Variants in ADGRB3 observed in about 807,000 individuals in gnomAD.
ADGRB3 encodes adhesion G protein-coupled receptor B3, also known as brain-specific angiogenesis inhibitor 3.
A neutral mutation model predicts 193.4 loss-of-function variants in ADGRB3; 37 were observed. That is an observed-to-expected ratio of 0.19 (90% CI 0.15 to 0.25). The LOEUF (loss-of-function observed/expected upper bound fraction) is 0.25. Among genes scored for constraint, ADGRB3 ranks in the 10% least tolerant of loss-of-function variants. ADGRB3 has a pLI of 1.00. For missense variants in ADGRB3, 1,637 were observed against 1,852.9 expected, an observed-to-expected ratio of 0.88 and a Z score of 2.14; for synonymous variants, 690 against 644.2, an observed-to-expected ratio of 1.07 and a Z score of -1.08.
At chr6:68,842,651 C>T (rs79435989) in intron 3 of ADGRB3, among the ~76,000 whole-genome samples, 4,484 of 151,934 alleles carry the variant, frequency 0.03, 196 homozygotes, top group African/African-American at 0.1. Flanking sequence ...GGAGAGAATA[C>T]TCTCATACTC....
chr6:68,925,691 C>A (rs2150244163), intron 3 of ADGRB3, among the ~76,000 whole-genome samples: 1 of 151,932 alleles, frequency 6.6e-6, no homozygotes. Flanking sequence ...TGAGGGCATT[C>A]CAGTATTTAG....
intron 3 of ADGRB3, among the ~76,000 whole-genome samples, chr6:68,810,938 A>G (rs894520367): frequency 6.6e-6 from 1 of 152,156 alleles, no homozygotes; most frequent in African/African-American, 2.4e-5. Flanking sequence ...ACATTTTTAA[A>G]TGATATAAAA....
At chr6:69,160,645 C>A (rs760083801) in intron 17 of ADGRB3, among the ~76,000 whole-genome samples, 51 of 152,078 alleles carry the variant, frequency 3.4e-4, no homozygotes, top group Admixed American at 7.9e-4. Context: ...TTTCTTTCCC[C>A]AGCTAGAATG....
At chr6:69,333,935 ACAAAATAAAAT>A (rs1680410997) in intron 24 of ADGRB3, among the ~76,000 whole-genome samples, 1 of 136,138 alleles carries the variant, frequency 7.3e-6, no homozygotes, top group Non-Finnish European at 1.6e-5. Flanking sequence ...GTCTCAAAAA[ACAAAATAAAAT>A]AAAATAAAAT....
chr6:68,863,400 A>G (rs1213525893), intron 3 of ADGRB3, among the ~76,000 whole-genome samples: 1 of 152,072 alleles, frequency 6.6e-6, no homozygotes, highest in Non-Finnish European at 1.5e-5. Context: ...TACTTTAGCA[A>G]TTATAATAAG....
At position 69,389,048 on chromosome 6, in the gene ADGRB3, A is replaced by T; in HGVS notation, c.*157A>T. On this transcript the variant is annotated 3_prime_UTR_variant, in exon 32 of 32. Transcript: ENST00000370598. Reference sequence around the variant, plus strand: ...TGTTTTCATATGGTAACTTCTCACTAGTCAGGCTAGTGGAGAGATGACCAG... The same window carrying T: ...TGTTTTCATATGGTAACTTCTCACTTGTCAGGCTAGTGGAGAGATGACCAG... 1 of 681,632 alleles carries T rather than the reference A, an allele frequency of 1.5e-6. No homozygotes were observed. Among genetic ancestry groups the T allele is most frequent in the Non-Finnish European group, 2.4e-6 (1 of 418,560 alleles). 42.2% of individuals were successfully genotyped at this position (681,632 alleles called of 1,614,324 possible). A position where few individuals can be genotyped will look rare whatever the true frequency, so the allele number is the denominator to read the frequency against.
In ADGRB3 at chr6:68,919,972, A is replaced by G. The variant is rs570913128; in HGVS notation, c.758-10587A>G. Among the ~76,000 whole-genome samples, 14 of 152,290 alleles carry G rather than the reference A, an allele frequency of 9.2e-5. No individual in the cohort carries two copies. The East Asian group carries it at 2.5e-3, about 27-fold the overall frequency. Reference sequence around the variant, plus strand: ...ATCAAGAATCAGGGGCTCAATTATCATAGAGAAAATTATTGGAATGTGAGG... The same window carrying G: ...ATCAAGAATCAGGGGCTCAATTATCGTAGAGAAAATTATTGGAATGTGAGG... On this transcript the variant is annotated intron_variant, in intron 3 of 31. Transcript: ENST00000370598.
At chr6:68,764,976 T>G (rs559015830) in intron 3 of ADGRB3, among the ~76,000 whole-genome samples, 77 of 152,318 alleles carry the variant, frequency 5.1e-4, no homozygotes, top group African/African-American at 1.8e-3. Context: ...AATTTTGATT[T>G]GGTAACTGCT....
intron 3 of ADGRB3, among the ~76,000 whole-genome samples, chr6:68,794,169 A>G (rs371343392): frequency 6.6e-6 from 1 of 152,148 alleles, no homozygotes; most frequent in Non-Finnish European, 1.5e-5. Context: ...TAAATTGCTT[A>G]TGTATATTAG....
At chr6:69,243,208 AG>A (rs1766420319) in intron 20 of ADGRB3, among the ~76,000 whole-genome samples, 2 of 151,930 alleles carry the variant, frequency 1.3e-5, no homozygotes, top group Admixed American at 6.6e-5. Context: ...GCTCACTACC[AG>A]GTTATAAAAA....
rs906842937 is a variant in ADGRB3, at chr6:69,235,051, C to A, written c.2627C>A (p.Thr876Lys). 1 of 1,612,426 alleles carries A rather than the reference C, an allele frequency of 6.2e-7. No individual in the cohort carries two copies. The highest frequency in any genetic ancestry group is 8.5e-7 in the Non-Finnish European group (1 of 1,178,746). Reference protein sequence around the residue: ...PREIIMESSGTPSVTLIVGSG... With the variant: ...PREIIMESSGKPSVTLIVGSG... ...TCACAGATCATGGAATCCTCTGGCA[C>A]ACCTTCAGTTACCCTAATAGTAGGC... Residue 876 changes from threonine to lysine, a missense_variant, in exon 19 of 32, where the codon ACA becomes AAA. By Grantham distance (78) the Thr-to-Lys change is moderately conservative. This residue lies in a region of ADGRB3 where 641 missense variants were observed against 673.9 expected (regional missense o/e 0.95). Coordinates refer to ENST00000370598, the MANE Select transcript of ADGRB3 (RefSeq NM_001704.3).
intron 6 of ADGRB3, among the ~76,000 whole-genome samples, chr6:68,947,740 A>G (rs1487185235): frequency 1.3e-5 from 2 of 152,134 alleles, no homozygotes; most frequent in Non-Finnish European, 2.9e-5. Flanking sequence ...TACTATTGTA[A>G]TGCTATTGTA....
At chr6:68,663,993 A>G (rs757063772) in intron 3 of ADGRB3, among the ~76,000 whole-genome samples, 3 of 151,846 alleles carry the variant, frequency 2.0e-5, no homozygotes, top group Non-Finnish European at 2.9e-5. Flanking sequence ...GAAAGTCACC[A>G]TCAGCAAAAT....
chr6:68,753,620 G>C (rs145300874), intron 3 of ADGRB3, among the ~76,000 whole-genome samples: 3 of 152,256 alleles, frequency 2.0e-5, no homozygotes, highest in South Asian at 2.1e-4. Context: ...TTAATAGAGA[G>C]GGGCAAGTAA....
intron 3 of ADGRB3, among the ~76,000 whole-genome samples, chr6:68,762,854 G>A (rs967378284): frequency 3.3e-5 from 5 of 152,018 alleles, no homozygotes; most frequent in Non-Finnish European, 7.4e-5. Context: ...AATAGCACAC[G>A]TAACCATCTA....
At chr6:69,322,994 A>G (rs1436709384) in intron 20 of ADGRB3, among the ~76,000 whole-genome samples, 1 of 151,996 alleles carries the variant, frequency 6.6e-6, no homozygotes, top group Non-Finnish European at 1.5e-5. Context: ...ATGTGCTTCA[A>G]TTTGTATTAG....
At chr6:69,261,686 A>G (rs945856930) in intron 20 of ADGRB3, among the ~76,000 whole-genome samples, 4 of 152,032 alleles carry the variant, frequency 2.6e-5, no homozygotes, top group Non-Finnish European at 5.9e-5. Flanking sequence ...AATATGTAAC[A>G]TTTGGGTATT....
chr6:68,839,369 T>C (rs1347578038), intron 3 of ADGRB3, among the ~76,000 whole-genome samples: 3 of 152,228 alleles, frequency 2.0e-5, no homozygotes, highest in Non-Finnish European at 4.4e-5. Flanking sequence ...GCTTCTCATA[T>C]GGTGACTTCA....
At chr6:69,219,986 C>T (rs1765858645) in intron 17 of ADGRB3, among the ~76,000 whole-genome samples, 1 of 151,912 alleles carries the variant, frequency 6.6e-6, no homozygotes, top group African/African-American at 2.4e-5. Flanking sequence ...GAAGGCTTTT[C>T]CATTATAAGC....
Sources: gnomAD v4.1 joint callset for allele counts (sites outside exome capture counted in the v4.1 genomes callset) on GRCh38, gnomAD v4.1.1 for gene constraint, gnomAD v4.1.1 regional missense constraint, MANE v1.5 for transcripts, NCBI Gene and HGNC (gene_info 2026-07-23, HGNC 2026-07-21) for gene names.